The following SEC16B variants were observed in gnomAD, a reference collection of about 807,000 sequenced individuals.
SEC16B encodes SEC16 homolog B, endoplasmic reticulum export factor.
A neutral mutation model predicts 141.8 loss-of-function variants in SEC16B; 115 were observed. That is an observed-to-expected ratio of 0.81 (90% CI 0.70 to 0.95). The LOEUF (loss-of-function observed/expected upper bound fraction) is 0.95, where lower values mean the gene tolerates loss of function less well. Ranked by LOEUF, SEC16B falls within the 40% of genes least tolerant of loss-of-function variation. The pLI, the probability that SEC16B is intolerant of heterozygous loss-of-function variation, is 0.00. For synonymous variants in SEC16B, 493 were observed against 492.5 expected, an observed-to-expected ratio of 1.00 and a Z score of -0.01; for missense variants, 1,291 against 1,312.3, an observed-to-expected ratio of 0.98 and a Z score of 0.25.
Position 177,946,546 on chromosome 1 carries a change from G to A in SEC16B, c.1664-15C>T. The A allele has an allele frequency of 6.4e-7, 1 of 1,552,162 alleles. No individual in the cohort carries two copies. Among genetic ancestry groups the A allele is most frequent in the Non-Finnish European group, 8.7e-7 (1 of 1,145,774 alleles). ...CCCCTTCCCAGCTGCGGGAGGAAGA[G>A]AACAAGACCCAATCACGGAGCACAC... is the stretch of plus-strand genomic sequence containing the variant. On this transcript the variant is annotated splice_polypyrimidine_tract_variant and intron_variant, in intron 13 of 25. Transcript: ENST00000308284.
chr1:177,964,489 G>A (rs1653348006), intron 4 of SEC16B, among the ~76,000 whole-genome samples: 1 of 152,224 alleles, frequency 6.6e-6, no homozygotes, highest in Non-Finnish European at 1.5e-5. Flanking sequence ...CTCAGTGGCT[G>A]GAAGTGGCCT....
rs1331894075 is a variant in SEC16B, at chr1:177,961,713, T to G, written c.664A>C (p.Asn222His). 1 of 1,613,778 alleles carries G rather than the reference T, an allele frequency of 6.2e-7. No individual in the cohort carries two copies. Residue 222 changes from asparagine to histidine, a missense_variant, in exon 6 of 26, where the codon AAC (asparagine) becomes CAC (histidine). This residue lies in a region of SEC16B where 681 missense variants were observed against 675.5 expected (regional missense o/e 1.01). Transcript: ENST00000308284. The stretch of plus-strand genomic sequence containing the variant: ...CCAGACTCACGCTGCTGGAGAAGGT[T>G]GGACTCACTAGCCAATGATGGCTGA... ...KNKPSLASES[N>H]LLQQRESGLS...
intron 5 of SEC16B, among the ~76,000 whole-genome samples, chr1:177,962,857 A>T (rs1236241234): frequency 6.6e-6 from 1 of 152,192 alleles, no homozygotes; most frequent in East Asian, 1.9e-4. Context: ...CTGTAATCCC[A>T]GCACTTTGGG....
chr1:177,958,774 T>C (rs184094244), intron 9 of SEC16B, 66 bp downstream of exon 9: 4 of 1,524,822 alleles, frequency 2.6e-6, no homozygotes, highest in Admixed American at 4.2e-5. Context: ...ATAAACATAA[T>C]CTTATCTATC....
At chr1:177,948,412 C>A in intron 12 of SEC16B, 1 of 1,304,416 alleles carries the variant, frequency 7.7e-7, no homozygotes, top group Non-Finnish European at 1.0e-6. Context: ...TTTTCTGGCT[C>A]TACAAAGCCC....
chr1:177,964,153 C>A lies in SEC16B; in HGVS notation c.642+18G>T. 1 of 1,580,318 alleles carries A rather than the reference C, an allele frequency of 6.3e-7. No homozygotes were observed. The highest frequency in any genetic ancestry group is 8.7e-7 in the Non-Finnish European group (1 of 1,154,824). Reference sequence around the variant, plus strand: ...ACACATGGCCACAGTCTCCAGCCCCCACGTCACTTTAGGTTACCTTATTTT... The same window carrying A: ...ACACATGGCCACAGTCTCCAGCCCCAACGTCACTTTAGGTTACCTTATTTT... On this transcript the variant is annotated intron_variant, in intron 5 of 25. Transcript: ENST00000308284.
At chr1:177,956,550 T>C (rs1362707861) in intron 10 of SEC16B, among the ~76,000 whole-genome samples, 1 of 152,126 alleles carries the variant, frequency 6.6e-6, no homozygotes, top group East Asian at 1.9e-4. Context: ...ATATCTTTTT[T>C]ATATTTTAAT....
chr1:177,939,029 C>A (rs1356973777), intron 18 of SEC16B, among the ~76,000 whole-genome samples: 1 of 152,224 alleles, frequency 6.6e-6, no homozygotes. Context: ...TCCTCCACCC[C>A]CCACCTTTAC....
upstream of SEC16B, among the ~76,000 whole-genome samples, chr1:177,971,860 G>A (rs562814710): frequency 5.3e-5 from 8 of 152,258 alleles, no homozygotes; most frequent in Middle Eastern, 3.4e-3. Context: ...TGTGTGAGCC[G>A]GTTGTTAAAC....
At chr1:177,960,317 C>T (rs761571651) in intron 8 of SEC16B, 25 bp downstream of exon 8, 2 of 1,513,432 alleles carry the variant, frequency 1.3e-6, no homozygotes, top group East Asian at 4.5e-5. Context: ...AAAGCCCTTA[C>T]TCAGCAGCTC....
At chr1:177,956,023 G>C (rs1652572413) in intron 10 of SEC16B, among the ~76,000 whole-genome samples, 1 of 152,246 alleles carries the variant, frequency 6.6e-6, no homozygotes, top group African/African-American at 2.4e-5. Context: ...CTATAGAGCA[G>C]AGGTCAGCAA....
Position 177,941,905 on chromosome 1 carries a change from T to C in SEC16B, c.2017A>G (p.Ile673Val). 6.2e-7 allele frequency: 1 copy of C among 1,613,768 alleles called. No individual in the cohort carries two copies. ...SSHPVLLVELIKLAEKLKLSD... is the reference protein window; with the variant it reads ...SSHPVLLVELVKLAEKLKLSD... ...GAACCCTTTGAGAGGCTCACCTTGA[T>C]GAGTTCCACTAATAGCACAGGGTGA... The change falls in exon 16 of 26, where the codon ATC becomes GTC. Residue 673 changes from isoleucine (I) to valine (V), a missense_variant. Around this residue, in one of 3 missense-constraint regions of SEC16B, gnomAD observed 605 missense variants for 614.1 expected, o/e 0.99. Transcript: ENST00000308284.
In SEC16B at chr1:177,968,044, A is replaced by G; in HGVS notation, c.-58-5T>C. On this transcript the variant is annotated splice_polypyrimidine_tract_variant and splice_region_variant and intron_variant, in intron 1 of 25. Coordinates refer to ENST00000308284, the MANE Select transcript of SEC16B (RefSeq NM_033127.4). ...TTGTGCAGTTATTTTATCTTCCTGC[A>G]GACAAAAGAAAAAGGAAAAAATCAT... The G allele has an allele frequency of 6.8e-7, 1 of 1,462,130 alleles. No individual in the cohort carries two copies. Among genetic ancestry groups the G allele is most frequent in the Non-Finnish European group, 9.1e-7 (1 of 1,095,944 alleles). 90.6% of individuals were successfully genotyped at this position (1,462,130 alleles called of 1,614,324 possible). A position where few individuals can be genotyped will look rare whatever the true frequency, so the allele number is the denominator to read the frequency against.
chr1:177,930,724 A>G (rs1650355031), intron 24 of SEC16B, 81 bp from the exon 25 acceptor site: 3 of 960,900 alleles, frequency 3.1e-6, no homozygotes, highest in Non-Finnish European at 4.8e-6. Context: ...GAAGCATATC[A>G]GGATTATTTG....
At chr1:177,950,399 T>G (rs1461906262) in intron 12 of SEC16B, among the ~76,000 whole-genome samples, 1 of 152,180 alleles carries the variant, frequency 6.6e-6, no homozygotes, top group African/African-American at 2.4e-5. Flanking sequence ...AAATGTCGGA[T>G]GGCCTGGAAT....
In SEC16B at chr1:177,933,745, T is replaced by A. The variant is rs1318569936; in HGVS notation, c.2572-109A>T. Reference sequence around the variant, plus strand: ...CTCAGAAGGCAGTGGGACTGTTGTCTCAGGATCATATTGTACTGAAGAGGA... The same window carrying A: ...CTCAGAAGGCAGTGGGACTGTTGTCACAGGATCATATTGTACTGAAGAGGA... On this transcript the variant is annotated intron_variant, in intron 20 of 25. Transcript: ENST00000308284. 1.4e-5 allele frequency: 15 copies of A among 1,101,494 alleles called. No individual in the cohort carries two copies. In the East Asian group the frequency reaches 3.6e-4, roughly 26 times the overall value. 68.2% of individuals were successfully genotyped at this position (1,101,494 alleles called of 1,614,324 possible).
In SEC16B at chr1:177,951,903, C is replaced by A. The variant is rs1421911728; in HGVS notation, c.1545+11G>T. On this transcript the variant is annotated intron_variant, in intron 12 of 25. Transcript: ENST00000308284. ...TGCCTGGGTGATAAAGGAATCCTGT[C>A]ATAGGGGTACCGTGGCTGCCTGTGG... The A allele has an allele frequency of 1.9e-6, 3 of 1,592,656 alleles. No homozygotes were observed. In the South Asian group the frequency reaches 3.4e-5, roughly 18 times the overall value.
intron 13 of SEC16B, among the ~76,000 whole-genome samples, chr1:177,947,046 A>G (rs77394130): frequency 0.021 from 3,209 of 152,328 alleles, 75 homozygotes; most frequent in East Asian, 0.13. Context: ...AATACCTAGC[A>G]CAGTGCCTGG....
intron 12 of SEC16B, among the ~76,000 whole-genome samples, chr1:177,949,272 C>G (rs184780219): frequency 6.6e-6 from 1 of 152,144 alleles, no homozygotes; most frequent in African/African-American, 2.4e-5. Context: ...ATTTCTCCTA[C>G]CAATAATCAC....
Sources: allele counts gnomAD v4.1 joint callset (sites outside exome capture counted in the v4.1 genomes callset), GRCh38; gene constraint gnomAD v4.1.1; regional missense constraint gnomAD v4.1.1; transcripts MANE v1.5; gene names NCBI Gene and HGNC (gene_info 2026-07-23, HGNC 2026-07-21).